The following CDKN3 variants were observed in gnomAD, a reference collection of about 807,000 sequenced individuals.
The protein encoded by CDKN3 is cyclin dependent kinase inhibitor 3.
CDKN3 carries 19 observed loss-of-function variants against 36.1 expected under a neutral mutation model. The observed-to-expected ratio is 0.53, with a 90% CI of 0.37 to 0.77. The LOEUF is 0.77. CDKN3 is among the 30% of genes least tolerant of loss of function. CDKN3 has a pLI of 0.00. For missense variants in CDKN3, 188 were observed against 248.6 expected (o/e 0.76, Z 1.64); for synonymous variants, 71 against 85.3 (o/e 0.83, Z 0.92).
At chr14:54,419,894 G>GC in intron 7 of CDKN3, 98 bp from the exon 8 acceptor site, 1 of 677,804 alleles carries the variant, frequency 1.5e-6, no homozygotes, top group Non-Finnish European at 2.6e-6. Context: ...ATTGTGCTTA[G>GC]CAAGTATTTT....
At chr14:54,418,392 T>C in intron 7 of CDKN3, 1 of 647,584 alleles carries the variant, frequency 1.5e-6, no homozygotes, top group East Asian at 2.7e-5. Context: ...GACAGATGAA[T>C]GACTATAATA....
At chr14:54,413,605 G>C (rs1400240583) in intron 5 of CDKN3, 104 of 1,532,696 alleles carry the variant, frequency 6.8e-5, no homozygotes, top group Middle Eastern at 5.0e-4. Flanking sequence ...CATTGTCCTA[G>C]AGCTTTCGAA....
intron 3 of CDKN3, among the ~76,000 whole-genome samples, chr14:54,401,874 T>G (rs940633278): frequency 1.3e-5 from 2 of 152,112 alleles, no homozygotes; most frequent in African/African-American, 4.8e-5. Flanking sequence ...TGAGAACATA[T>G]GATGTTTGGT....
Position 54,397,054 on chromosome 14 carries a change from G to A in CDKN3, c.-15G>A. 1 of 1,499,970 alleles carries A rather than the reference G, an allele frequency of 6.7e-7. No homozygotes were observed. Among genetic ancestry groups the A allele is most frequent in the Non-Finnish European group, 8.9e-7 (1 of 1,122,112 alleles). The allele number at this position is 1,499,970 out of a possible 1,614,324, so 92.9% of individuals were successfully genotyped here. On this transcript the variant is annotated 5_prime_UTR_variant, in exon 1 of 8. It adds an upstream start codon to the 5' untranslated region. Coordinates refer to ENST00000335183, the MANE Select transcript of CDKN3 (RefSeq NM_005192.4). ...AGAGGGAGGCGGCACTGGTCTCGAC[G>A]TGGGGCGGCCAGCGATGAAGCCGGT...
chr14:54,413,893 C>T, intron 5 of CDKN3: 1 of 1,237,390 alleles, frequency 8.1e-7, no homozygotes, highest in Non-Finnish European at 1.0e-6. Flanking sequence ...ACAGAAATTT[C>T]TTCTTTCCCA....
intron 2 of CDKN3, among the ~76,000 whole-genome samples, chr14:54,400,764 G>C (rs1026535601): frequency 6.6e-6 from 1 of 152,166 alleles, no homozygotes; most frequent in Non-Finnish European, 1.5e-5. Flanking sequence ...TTCAAAGTCA[G>C]GTGGTATTTA....
At position 54,417,913 on chromosome 14, in the gene CDKN3, C is replaced by T. The variant is rs749611270; in HGVS notation, c.514C>T (p.Arg172Ter). ...ACCAGAGCAAGCCATAGACAGCCTG[C>T]GAGACCTAAGAGGATCCGGGGCAAT... ...ISPEQAIDSL[R>*]DLRGSGAIQT... Residue 172 changes from arginine to a stop codon, truncating the protein, a stop_gained, in exon 7 of 8, where the codon CGA becomes TGA. Coordinates refer to ENST00000335183, the MANE Select transcript of CDKN3 (RefSeq NM_005192.4). LOFTEE classifies it high-confidence loss of function. 5 of 1,596,138 alleles carry T rather than the reference C, an allele frequency of 3.1e-6. No homozygotes were observed. The highest frequency in any genetic ancestry group is 2.2e-5 in the East Asian group (1 of 44,480).
chr14:54,398,646 T>G (rs149428590), intron 1 of CDKN3, among the ~76,000 whole-genome samples: 40 of 152,318 alleles, frequency 2.6e-4, no homozygotes, highest in South Asian at 1.2e-3. Flanking sequence ...ATGGGTTTTG[T>G]TCTGTTTTGT....
At chr14:54,416,062 A>T in intron 6 of CDKN3, 132 bp downstream of exon 6, 2 of 704,974 alleles carry the variant, frequency 2.8e-6, no homozygotes. Context: ...GGATTACTTA[A>T]GGCCCTAAAC....
At chr14:54,419,957 T>C in intron 7 of CDKN3, 35 bp from the exon 8 acceptor site, 2 of 1,246,550 alleles carry the variant, frequency 1.6e-6, no homozygotes, top group Non-Finnish European at 2.4e-6. Flanking sequence ...ACTAGTTTTC[T>C]ACAGTGTATT....
At chr14:54,414,709 CTTTT>C (rs35670197) in intron 5 of CDKN3, among the ~76,000 whole-genome samples, 1 of 102,136 alleles carries the variant, frequency 9.8e-6, no homozygotes, top group Non-Finnish European at 2.0e-5. Context: ...CCGTGCCAGG[CTTTT>C]TTTTTTTTTT....
At chr14:54,397,364 A>C (rs564361738) in intron 1 of CDKN3, among the ~76,000 whole-genome samples, 1 of 152,362 alleles carries the variant, frequency 6.6e-6, no homozygotes, top group East Asian at 1.9e-4. Context: ...CGCCCAGCCA[A>C]AGAGGGCCGA....
chr14:54,419,931 T>A, intron 7 of CDKN3, 61 bp from the exon 8 acceptor site: 1 of 899,632 alleles, frequency 1.1e-6, no homozygotes, highest in Non-Finnish European at 1.9e-6. Flanking sequence ...CTGCTAATAT[T>A]GTGCCCACAC....
At chr14:54,408,713 G>T (rs1566706985) in intron 3 of CDKN3, 32 bp from the exon 4 acceptor site, 2 of 1,558,396 alleles carry the variant, frequency 1.3e-6, no homozygotes, top group Non-Finnish European at 8.6e-7. Context: ...ACGAAAAACT[G>T]ACTTTTTTAC....
Position 54,401,583 on chromosome 14 carries a change from G to C in CDKN3, c.148+4G>C. The C allele has an allele frequency of 6.3e-7, 1 of 1,587,800 alleles. No individual in the cohort carries two copies. The highest frequency in any genetic ancestry group is 1.7e-4 in the Middle Eastern group (1 of 5,984). On this transcript the variant is annotated splice_donor_region_variant and intron_variant, in intron 3 of 7. Coordinates refer to ENST00000335183, the MANE Select transcript of CDKN3 (RefSeq NM_005192.4). Reference sequence around the variant, plus strand: ...CTCGGTTTATGTGCTCTTCCAGGTGGGTAACACAATAATGGGCTTCCTATC... The same window carrying C: ...CTCGGTTTATGTGCTCTTCCAGGTGCGTAACACAATAATGGGCTTCCTATC...
At position 54,398,987 on chromosome 14, in the gene CDKN3, C is replaced by CTTTTTTTTT. The variant is rs113342693; in HGVS notation, c.10-897_10-889dup. Among the ~76,000 whole-genome samples, 96 of 109,244 alleles carry CTTTTTTTTT rather than the reference C, an allele frequency of 8.8e-4. 4 individuals are homozygous for CTTTTTTTTT. Among genetic ancestry groups the CTTTTTTTTT allele is most frequent in the East Asian group, 1.3e-3 (5 of 3,808 alleles). The allele number at this position is 109,244 out of a possible 152,430, so 71.7% of individuals were successfully genotyped here. A position where few individuals can be genotyped will look rare whatever the true frequency, so the allele number is the denominator to read the frequency against. ...TTCTTTCCTTTCTTTTTTCTTCTTC[C>CTTTTTTTTT]TTTTTTTTTTTTTTTTTTGGCAGAG... On this transcript the variant is annotated intron_variant, in intron 1 of 7. Transcript: ENST00000335183.
At chr14:54,400,237 T>TTTAATATAGA (rs2029894275) in intron 2 of CDKN3, among the ~76,000 whole-genome samples, 1 of 142,318 alleles carries the variant, frequency 7.0e-6, no homozygotes, top group African/African-American at 2.6e-5. Context: ...ATTTACTCTT[T>TTTAATATAGA]ATAAGACCCT....
chr14:54,418,388 TG>T (rs1430223786), intron 7 of CDKN3: 30 of 651,244 alleles, frequency 4.6e-5, no homozygotes, highest in African/African-American at 4.5e-4. Context: ...TAAAGACAGA[TG>T]AATGACTATA....
chr14:54,405,670 T>C (rs1202449417), intron 3 of CDKN3, among the ~76,000 whole-genome samples: 2 of 152,236 alleles, frequency 1.3e-5, no homozygotes, highest in African/African-American at 4.8e-5. Flanking sequence ...ACCCTTGCTT[T>C]TTTTTGCATT....
Sources: allele counts gnomAD v4.1 joint callset (sites outside exome capture counted in the v4.1 genomes callset), GRCh38; gene constraint gnomAD v4.1.1; transcripts MANE v1.5; gene names NCBI Gene and HGNC (gene_info 2026-07-23, HGNC 2026-07-21).